The following CD1B variants were observed in gnomAD, a reference collection of about 807,000 sequenced individuals.
The protein encoded by CD1B is T-cell surface glycoprotein CD1b.
In CD1B, 43 loss-of-function variants were observed where a neutral mutation model predicts 39.8. The ratio of observed to expected loss-of-function variants is 1.08; its 90% CI spans 0.85 to 1.39. CD1B has a LOEUF of 1.39. CD1B is among the 40% of genes most tolerant of loss of function. CD1B has a pLI of 0.00. For missense variants in CD1B, 495 were observed against 403.8 expected (o/e 1.23, Z -1.94); for synonymous variants, 192 against 152.5 (o/e 1.26, Z -1.91).
the CD1B span, chr1:158,292,708 G>A: frequency 2.5e-6 from 4 of 1,614,082 alleles, no homozygotes; most frequent in Non-Finnish European, 3.4e-6. Context: ...CATGGATGCG[G>A]AATGAACAGG....
At chr1:158,294,247 T>C in the CD1B span, among the ~76,000 whole-genome samples, 15 of 152,248 alleles carry the variant, frequency 9.9e-5, no homozygotes. Context: ...GCAACCGTTG[T>C]GCTGTATATG....
At chr1:158,291,550 A>T in the CD1B span, 5 of 801,964 alleles carry the variant, frequency 6.2e-6, no homozygotes, top group Non-Finnish European at 9.6e-6. Context: ...CCTGATGTTG[A>T]CTCCCTCAAA....
At chr1:158,291,533 G>A in the CD1B span, 1 of 887,126 alleles carries the variant, frequency 1.1e-6, no homozygotes, top group African/African-American at 1.7e-5. Context: ...ACCTTTTAAG[G>A]GATATTCCTG....
At chr1:158,307,288 G>T in the CD1B span, among the ~76,000 whole-genome samples, 12 of 151,980 alleles carry the variant, frequency 7.9e-5, no homozygotes, top group Non-Finnish European at 1.5e-4. Flanking sequence ...TACCATCAGA[G>T]AATAATACTA....
At chr1:158,290,864 T>C in the CD1B span, among the ~76,000 whole-genome samples, 1 of 152,148 alleles carries the variant, frequency 6.6e-6, no homozygotes, top group African/African-American at 2.4e-5. Flanking sequence ...CAAGGTTACA[T>C]GTATCTGGGT....
Position 158,330,822 on chromosome 1 carries a change from T to C in CD1B, c.302A>G (p.Asp101Gly), listed in dbSNP as rs750863366. ...TTTCATCTGGAAATCACCGGCAAAGTCTTGTACTTCTCGAGCGAATCCAAA... is the reference window on the plus strand; with the variant it reads ...TTTCATCTGGAAATCACCGGCAAAGCCTTGTACTTCTCGAGCGAATCCAAA... Reference protein sequence around the residue: ...YIFGFAREVQDFAGDFQMKYP... With the variant: ...YIFGFAREVQGFAGDFQMKYP... Residue 101 changes from aspartate (D) to glycine (G), a missense_variant, in exon 2 of 6, where the codon GAC becomes GGC. Coordinates refer to ENST00000368168, the MANE Select transcript of CD1B (RefSeq NM_001764.3). 5.6e-6 allele frequency: 9 copies of C among 1,614,128 alleles called. No individual in the cohort carries two copies. The highest frequency in any genetic ancestry group is 7.6e-6 in the Non-Finnish European group (9 of 1,180,006).
chr1:158,320,501 C>T, the CD1B span, among the ~76,000 whole-genome samples: 1 of 152,174 alleles, frequency 6.6e-6, no homozygotes, highest in African/African-American at 2.4e-5. Context: ...GAGGCAATGC[C>T]TCACCCCGCT....
At chr1:158,307,368 C>A in the CD1B span, among the ~76,000 whole-genome samples, 1 of 152,056 alleles carries the variant, frequency 6.6e-6, no homozygotes, top group East Asian at 1.9e-4. Context: ...CGTACACCCC[C>A]CCAAGACTAA....
the CD1B span, among the ~76,000 whole-genome samples, chr1:158,298,929 GT>G: frequency 6.6e-6 from 1 of 152,274 alleles, no homozygotes; most frequent in East Asian, 1.9e-4. Flanking sequence ...AGGTGATGGG[GT>G]TTTCTAAATA....
the CD1B span, among the ~76,000 whole-genome samples, chr1:158,309,926 A>T: frequency 6.6e-6 from 1 of 152,094 alleles, no homozygotes; most frequent in Non-Finnish European, 1.5e-5. Context: ...GCACATGTAT[A>T]CATATGTAAC....
At chr1:158,301,780 A>T in the CD1B span, among the ~76,000 whole-genome samples, 187 of 151,978 alleles carry the variant, frequency 1.2e-3, 1 homozygote, top group African/African-American at 4.4e-3. Context: ...TGCTCTTCTC[A>T]TGGAGTATCT....
At chr1:158,303,496 A>G in the CD1B span, among the ~76,000 whole-genome samples, 1 of 152,228 alleles carries the variant, frequency 6.6e-6, no homozygotes, top group Non-Finnish European at 1.5e-5. Flanking sequence ...CTTTCTTCAG[A>G]CAATATGAAT....
At chr1:158,320,624 T>C in the CD1B span, among the ~76,000 whole-genome samples, 1 of 152,200 alleles carries the variant, frequency 6.6e-6, no homozygotes, top group Non-Finnish European at 1.5e-5. Flanking sequence ...ATCTTCTGCG[T>C]CACTCAGGCT....
At chr1:158,320,946 T>C in the CD1B span, among the ~76,000 whole-genome samples, 1,873 of 152,324 alleles carry the variant, frequency 0.012, 37 homozygotes, top group African/African-American at 0.04. Flanking sequence ...TCCTGGAGAA[T>C]GTTCCATGTA....
downstream of CD1B, among the ~76,000 whole-genome samples, chr1:158,325,806 A>T (rs974367164): frequency 2.6e-5 from 4 of 152,120 alleles, no homozygotes; most frequent in African/African-American, 9.7e-5. Flanking sequence ...GTACATTCAC[A>T]CTGTTGTGCC....
chr1:158,290,221 C>T, the CD1B span: 31 of 1,111,566 alleles, frequency 2.8e-5, no homozygotes, highest in Non-Finnish European at 3.9e-5. Flanking sequence ...AGAATGCTTG[C>T]CATCTGAGCA....
chr1:158,292,515 G>A, the CD1B span: 6 of 1,510,814 alleles, frequency 4.0e-6, no homozygotes, highest in Non-Finnish European at 5.4e-6. Context: ...AGATAACTGT[G>A]CATATTCATG....
chr1:158,309,611 G>C, the CD1B span, among the ~76,000 whole-genome samples: 1 of 152,090 alleles, frequency 6.6e-6, no homozygotes, highest in African/African-American at 2.4e-5. Context: ...ACTGGATTAA[G>C]AAAATGTGGC....
chr1:158,321,325 C>T, the CD1B span, among the ~76,000 whole-genome samples: 37 of 152,248 alleles, frequency 2.4e-4, no homozygotes, highest in African/African-American at 8.9e-4. Flanking sequence ...AGTATAGCTA[C>T]TTCTGCTCCA....
Sources: allele counts gnomAD v4.1 joint callset (sites outside exome capture counted in the v4.1 genomes callset), GRCh38; gene constraint gnomAD v4.1.1; transcripts MANE v1.5; gene names NCBI Gene and HGNC (gene_info 2026-07-23, HGNC 2026-07-21).